RAB3C: variants seen among roughly 807,000 people sequenced by gnomAD.
RAB3C encodes the protein ras-related protein Rab-3C.
RAB3C carries 17 observed loss-of-function variants against 26.4 expected under a neutral mutation model. The ratio of observed to expected loss-of-function variants is 0.64; its 90% confidence interval spans 0.44 to 0.97. The LOEUF is 0.97. Ranked by LOEUF, RAB3C falls within the 50% of genes least tolerant of loss-of-function variation. RAB3C has a pLI of 0.00. For missense variants in RAB3C, 242 were observed against 281.9 expected (o/e 0.86, Z 1.01); for synonymous variants, 91 against 95.9 (o/e 0.95, Z 0.30).
chr5:58,714,619 A>G (rs1404715012), intron 2 of RAB3C, among the ~76,000 whole-genome samples: 1 of 152,166 alleles, frequency 6.6e-6, no homozygotes, highest in Non-Finnish European at 1.5e-5. Context: ...AGTTTAAAAT[A>G]TAAAACATTG....
chr5:58,660,617 A>G (rs948820841), intron 2 of RAB3C, among the ~76,000 whole-genome samples: 8 of 150,382 alleles, frequency 5.3e-5, no homozygotes, highest in African/African-American at 7.6e-5. Context: ...GAAGGAGCCC[A>G]CATTAGTCAG....
At chr5:58,595,705 T>C (rs1377605080) in intron 1 of RAB3C, among the ~76,000 whole-genome samples, 1 of 152,174 alleles carries the variant, frequency 6.6e-6, no homozygotes, top group Non-Finnish European at 1.5e-5. Context: ...ATTTTGGTTC[T>C]AGTGTACCCT....
chr5:58,798,047 T>C (rs569826352), intron 3 of RAB3C, among the ~76,000 whole-genome samples: 124 of 151,996 alleles, frequency 8.2e-4, no homozygotes, highest in African/African-American at 2.7e-3. Flanking sequence ...GACTATTAGA[T>C]TATAACACAT....
At chr5:58,712,316 C>A (rs987061550) in intron 2 of RAB3C, among the ~76,000 whole-genome samples, 3 of 152,030 alleles carry the variant, frequency 2.0e-5, no homozygotes, top group African/African-American at 7.3e-5. Context: ...CAGTACCCCA[C>A]ACAATGCTAG....
intron 4 of RAB3C, among the ~76,000 whole-genome samples, chr5:58,829,214 T>C (rs1743559122): frequency 6.6e-6 from 1 of 152,116 alleles, no homozygotes; most frequent in African/African-American, 2.4e-5. Context: ...CCATGAGTGT[T>C]TTAACAGTTA....
At chr5:58,816,052 A>C (rs1321948732) in intron 3 of RAB3C, among the ~76,000 whole-genome samples, 2 of 152,196 alleles carry the variant, frequency 1.3e-5, no homozygotes, top group African/African-American at 4.8e-5. Flanking sequence ...TCTTTGAAAA[A>C]AGGATGAAAT....
At chr5:58,814,904 G>A (rs1449852459) in intron 3 of RAB3C, among the ~76,000 whole-genome samples, 1 of 152,108 alleles carries the variant, frequency 6.6e-6, no homozygotes, top group Admixed American at 6.6e-5. Context: ...AATTGGATGT[G>A]GTGCAAGGTA....
intron 1 of RAB3C, among the ~76,000 whole-genome samples, chr5:58,615,266 T>G (rs1231854740): frequency 6.6e-6 from 1 of 152,154 alleles, no homozygotes; most frequent in Admixed American, 6.6e-5. Flanking sequence ...TCAGGCCAAG[T>G]AAGTGAGCAG....
chr5:58,683,835 A>G (rs923672840), intron 2 of RAB3C, among the ~76,000 whole-genome samples: 2 of 152,206 alleles, frequency 1.3e-5, no homozygotes, highest in Non-Finnish European at 2.9e-5. Context: ...AACTGTCCCA[A>G]TATCGCAGTG....
intron 1 of RAB3C, among the ~76,000 whole-genome samples, chr5:58,604,981 G>C (rs1746530352): frequency 6.6e-6 from 1 of 152,076 alleles, no homozygotes; most frequent in Admixed American, 6.5e-5. Flanking sequence ...GAGCTCGCAG[G>C]GCCTTTCTGC....
At chr5:58,800,699 C>A (rs1415824215) in intron 3 of RAB3C, among the ~76,000 whole-genome samples, 1 of 152,050 alleles carries the variant, frequency 6.6e-6, no homozygotes, top group Non-Finnish European at 1.5e-5. Flanking sequence ...TGTCGACATT[C>A]TTCTGAATGG....
At chr5:58,614,242 A>G (rs760163675) in intron 1 of RAB3C, among the ~76,000 whole-genome samples, 20 of 152,062 alleles carry the variant, frequency 1.3e-4, no homozygotes, top group Non-Finnish European at 2.4e-4. Context: ...TGACTTTAGT[A>G]TTTAGAGATA....
At chr5:58,756,109 ATTTCACACAATTGGCT>A (rs1301341376) in intron 3 of RAB3C, among the ~76,000 whole-genome samples, 1 of 151,432 alleles carries the variant, frequency 6.6e-6, no homozygotes, top group Admixed American at 6.6e-5. Context: ...TATTGTTAGC[ATTTCACACAATTGGCT>A]TTTTGGTTTA....
chr5:58,762,442 C>T (rs899164632), intron 3 of RAB3C, among the ~76,000 whole-genome samples: 2 of 152,124 alleles, frequency 1.3e-5, no homozygotes, highest in African/African-American at 4.8e-5. Flanking sequence ...CCTGTAATCC[C>T]AGCATTCTGG....
At chr5:58,799,739 TA>T (rs1742762224) in intron 3 of RAB3C, among the ~76,000 whole-genome samples, 1 of 152,134 alleles carries the variant, frequency 6.6e-6, no homozygotes, top group Admixed American at 6.5e-5. Context: ...TGTCAATCAT[TA>T]AGGCCTAATG....
intron 2 of RAB3C, among the ~76,000 whole-genome samples, chr5:58,713,012 C>T (rs1749094598): frequency 6.6e-6 from 1 of 152,256 alleles, no homozygotes; most frequent in African/African-American, 2.4e-5. Context: ...AGAATAAACA[C>T]ACATACTAAG....
chr5:58,826,074 G>T (rs769588079), intron 4 of RAB3C, among the ~76,000 whole-genome samples: 1 of 152,152 alleles, frequency 6.6e-6, no homozygotes, highest in Non-Finnish European at 1.5e-5. Context: ...AAGCAACAGG[G>T]AGAGGGAGGC....
At position 58,808,333 on chromosome 5, in the gene RAB3C, C is replaced by A. The variant is rs143807310; in HGVS notation, c.372-16705C>A. Among the ~76,000 whole-genome samples the A allele has an allele frequency of 2.5e-3, 379 of 151,344 alleles. 4 individuals are homozygous for A. Among genetic ancestry groups the A allele is most frequent in the East Asian group, 7.9e-3 (41 of 5,158 alleles). On this transcript the variant is annotated intron_variant, in intron 3 of 4. Transcript: ENST00000282878. ...TTTCTGGAGAATTTGACACAGTACA[C>A]AGAGAAAAGTTGCAGAAAGAATAAA...
chr5:58,853,527 A>G lies in RAB3C; in HGVS notation c.*2176A>G, dbSNP rs1340264890. On this transcript the variant is annotated 3_prime_UTR_variant, in exon 5 of 5. Coordinates refer to ENST00000282878, the MANE Select transcript of RAB3C (RefSeq NM_138453.4). Reference sequence around the variant, plus strand: ...ATGAGACAGTATTTAAAAGTGAAAGAGCAGAGTTTTGCTCTGCTGAAAACC... The same window carrying G: ...ATGAGACAGTATTTAAAAGTGAAAGGGCAGAGTTTTGCTCTGCTGAAAACC... 6.6e-6 allele frequency: 1 copy of G among 152,178 alleles called. No homozygotes were observed. Among genetic ancestry groups the G allele is most frequent in the African/African-American group, 2.4e-5 (1 of 41,440 alleles). The allele number at this position is 152,178 out of a possible 1,614,324, so 9.4% of individuals were successfully genotyped here. A position where few individuals can be genotyped will look rare whatever the true frequency, so the allele number is the denominator to read the frequency against.
Sources: gnomAD v4.1 joint callset for allele counts (sites outside exome capture counted in the v4.1 genomes callset) on GRCh38, gnomAD v4.1.1 for gene constraint, MANE v1.5 for transcripts, NCBI Gene and HGNC (gene_info 2026-07-23, HGNC 2026-07-21) for gene names.